MGRN1: variants seen among roughly 807,000 people sequenced by gnomAD.
MGRN1 encodes the protein mahogunin ring finger 1.
Under a neutral mutation model 69.2 loss-of-function variants are expected in MGRN1, and 29 were observed. The ratio of observed to expected loss-of-function variants is 0.42; its 90% CI spans 0.31 to 0.57. The LOEUF is 0.57. Ranked by LOEUF, MGRN1 falls within the 20% of genes least tolerant of loss-of-function variation. MGRN1 has a pLI of 0.15. For missense variants in MGRN1, 998 were observed against 796.2 expected (o/e 1.25, Z -3.05); for synonymous variants, 470 against 344.2 (o/e 1.37, Z -4.04).
chr16:4,649,231 A>G (rs2078348261), intron 1 of MGRN1: 1 of 152,308 alleles, frequency 6.6e-6, no homozygotes, highest in Non-Finnish European at 1.5e-5. Flanking sequence ...GCTGCCATGG[A>G]AAGTACACAG....
intron 4 of MGRN1, among the ~76,000 whole-genome samples, chr16:4,656,276 T>C (rs763937093): frequency 6.6e-6 from 1 of 152,246 alleles, no homozygotes; most frequent in African/African-American, 2.4e-5. Context: ...AAGTGAGATG[T>C]TGGTGACCAT....
At position 4,655,733 on chromosome 16, in the gene MGRN1, G is replaced by A. The variant is rs985371667; in HGVS notation, c.444-1513G>A. ...ACAGAAAAGGACCTGGAGGCTCCAG[G>A]ACCTGGAGGCTGTGCCCAGGCACCC... On this transcript the variant is annotated intron_variant, in intron 4 of 16. Transcript: ENST00000262370. Among the ~76,000 whole-genome samples, 8 of 152,212 alleles carry A rather than the reference G, an allele frequency of 5.3e-5. No individual in the cohort carries two copies. The East Asian group carries it at 1.3e-3, about 26-fold the overall frequency.
chr16:4,642,878 C>G (rs571914178), intron 1 of MGRN1, among the ~76,000 whole-genome samples: 2 of 151,964 alleles, frequency 1.3e-5, no homozygotes, highest in East Asian at 1.9e-4. Flanking sequence ...CCTTGACCTC[C>G]CAGGCTCAAG....
At chr16:4,632,206 G>GA (rs1404184940) in intron 1 of MGRN1, among the ~76,000 whole-genome samples, 1 of 210 alleles carries the variant, frequency 4.8e-3, no homozygotes, top group Non-Finnish European at 0.015. Context: ...TAGTAGAGAT[G>GA]GGTTTCACCA....
intron 5 of MGRN1, chr16:4,664,393 T>G: frequency 2.5e-6 from 1 of 402,898 alleles, no homozygotes; most frequent in East Asian, 5.0e-5. Flanking sequence ...GATGGCTACG[T>G]GTGGGGTTTC....
intron 7 of MGRN1, 90 bp downstream of exon 7, chr16:4,665,241 G>A: frequency 2.1e-6 from 3 of 1,421,894 alleles, no homozygotes; most frequent in Non-Finnish European, 2.9e-6. Context: ...CAGGGGCTGG[G>A]GCTTGGTGGG....
chr16:4,641,922 T>C (rs1442155132), intron 1 of MGRN1, among the ~76,000 whole-genome samples: 1 of 152,026 alleles, frequency 6.6e-6, no homozygotes, highest in Admixed American at 6.6e-5. Context: ...CCTAAAGTGC[T>C]GGGATTATAG....
chr16:4,668,771 CAT>C (rs1491209527), intron 8 of MGRN1, among the ~76,000 whole-genome samples: 16 of 151,794 alleles, frequency 1.1e-4, no homozygotes, highest in East Asian at 5.8e-4. Flanking sequence ...TTCACACACA[CAT>C]AGACATTCAT....
intron 16 of MGRN1, chr16:4,688,348 A>C (rs1255398837): frequency 1.5e-5 from 15 of 990,826 alleles, no homozygotes; most frequent in Non-Finnish European, 1.8e-5. Context: ...TCCGGGGGCT[A>C]CTCTGAGCAC....
chr16:4,646,347 T>A (rs544329780), intron 1 of MGRN1, among the ~76,000 whole-genome samples: 6 of 151,984 alleles, frequency 3.9e-5, no homozygotes, highest in Non-Finnish European at 8.8e-5. Context: ...GAGGATTGTT[T>A]GAGCTCAGGA....
intron 4 of MGRN1, among the ~76,000 whole-genome samples, chr16:4,654,744 T>A (rs8055808): frequency 0.13 from 20,102 of 152,190 alleles, 2,953 homozygotes; most frequent in African/African-American, 0.37. Context: ...ACAGGTGCTC[T>A]TGAAAGGAGC....
At position 4,683,843 on chromosome 16, in the gene MGRN1, G is replaced by T. The variant is rs1265765378; in HGVS notation, c.1529G>T (p.Gly510Val). 2.5e-6 allele frequency: 4 copies of T among 1,612,576 alleles called. No homozygotes were observed. Among genetic ancestry groups the T allele is most frequent in the Non-Finnish European group, 2.5e-6 (3 of 1,179,666 alleles). ...CCCTAACCTCACCCTCTGCCTGCAG[G>T]GACCCGAGCAGCTTCCATTGAGAAT... is the stretch of plus-strand genomic sequence containing the variant. Reference protein sequence around the residue: ...EVDESSSPQQGTRAASIENVL... With the variant: ...EVDESSSPQQVTRAASIENVL... The change falls in exon 16 of 17, where the codon GGG becomes GTG. Residue 510 changes from glycine to valine, a missense_variant and splice_region_variant. Coordinates refer to ENST00000262370, the MANE Select transcript of MGRN1 (RefSeq NM_015246.4).
intron 11 of MGRN1, among the ~76,000 whole-genome samples, chr16:4,678,526 T>C (rs1684603): frequency 0.5 from 74,523 of 150,400 alleles, 19,669 homozygotes; most frequent in East Asian, 0.65. Flanking sequence ...GACAGACAGA[T>C]GTGGAGAGAC....
intron 7 of MGRN1, among the ~76,000 whole-genome samples, chr16:4,668,063 A>G (rs1467978899): frequency 1.3e-5 from 2 of 151,164 alleles, no homozygotes; most frequent in Non-Finnish European, 2.9e-5. Flanking sequence ...ATAGTTGCAC[A>G]GCCAGGCCTG....
At chr16:4,638,627 C>A (rs969064764) in intron 1 of MGRN1, among the ~76,000 whole-genome samples, 2 of 152,196 alleles carry the variant, frequency 1.3e-5, no homozygotes, top group African/African-American at 4.8e-5. Flanking sequence ...GCTGCCACCC[C>A]CTCTGGCCTC....
chr16:4,672,022 C>G (rs1434890239), intron 9 of MGRN1, among the ~76,000 whole-genome samples: 1 of 152,244 alleles, frequency 6.6e-6, no homozygotes, highest in Non-Finnish European at 1.5e-5. Flanking sequence ...TCTCCTGCCT[C>G]AGCCTCCTGA....
intron 12 of MGRN1, among the ~76,000 whole-genome samples, chr16:4,681,050 G>A (rs1447242462): frequency 6.6e-6 from 1 of 152,226 alleles, no homozygotes; most frequent in African/African-American, 2.4e-5. Flanking sequence ...GAAGAACAGT[G>A]GCTCTTAGCC....
intron 1 of MGRN1, among the ~76,000 whole-genome samples, chr16:4,646,583 C>T (rs553741569): frequency 2.0e-5 from 3 of 152,132 alleles, no homozygotes; most frequent in Non-Finnish European, 4.4e-5. Context: ...GCTTGGGTGT[C>T]CTCACAGCAT....
At chr16:4,681,359 C>T in intron 12 of MGRN1, 191 bp from the exon 13 acceptor site, 1 of 590,344 alleles carries the variant, frequency 1.7e-6, no homozygotes, top group Non-Finnish European at 3.0e-6. Flanking sequence ...TTTGGGCATC[C>T]AGCCCCGTGC....
Sources: allele counts gnomAD v4.1 joint callset (sites outside exome capture counted in the v4.1 genomes callset), GRCh38; gene constraint gnomAD v4.1.1; transcripts MANE v1.5; gene names NCBI Gene and HGNC (gene_info 2026-07-23, HGNC 2026-07-21).